Variants in ELFN1 observed in about 807,000 individuals in gnomAD.
The protein encoded by ELFN1 is protein ELFN1.
A neutral mutation model predicts 7.6 loss-of-function variants in ELFN1; 6 were observed. The observed-to-expected ratio is 0.79, with a 90% CI of 0.43 to 1.56. The LOEUF is 1.56. Ranked by LOEUF, ELFN1 falls within the 40% of genes most tolerant of loss-of-function variation. The pLI is 0.01. For synonymous variants in ELFN1, 657 were observed against 588.1 expected (o/e 1.12, Z -1.70); for missense variants, 1,169 against 1,232.2 (o/e 0.95, Z 0.77).
Position 1,740,627 on chromosome 7 carries a change from C to G in ELFN1, c.-293-3677C>G, listed in dbSNP as rs1435339180. Among the ~76,000 whole-genome samples, 2 of 152,110 alleles carry G rather than the reference C, an allele frequency of 1.3e-5. No homozygotes were observed. Among genetic ancestry groups the G allele is most frequent in the Non-Finnish European group, 2.9e-5 (2 of 68,008 alleles). The stretch of plus-strand genomic sequence containing the variant: ...TAGGTGATTCGGCCTTTCCCTGTTT[C>G]CTGTGCCAGGTCCGCAGCCTCTGCC... On this transcript the variant is annotated intron_variant, in intron 3 of 3. Transcript: ENST00000424383. The surrounding 1 kb of genome is among the most constrained non-coding windows in gnomAD (Gnocchi z 5.0).
chr7:1,672,924 G>A (rs1413008053), intron 1 of ELFN1, among the ~76,000 whole-genome samples: 1 of 152,084 alleles, frequency 6.6e-6, no homozygotes, highest in Non-Finnish European at 1.5e-5. Flanking sequence ...CGAGGGGGCC[G>A]GTGGCGGGGC....
intron 1 of ELFN1, among the ~76,000 whole-genome samples, chr7:1,679,947 G>A (rs1455911488): frequency 6.6e-6 from 1 of 152,256 alleles, no homozygotes; most frequent in African/African-American, 2.4e-5. Context: ...GGACAGAGAT[G>A]GAACGGGGAG....
At chr7:1,696,692 G>A (rs1779321213) in intron 2 of ELFN1, among the ~76,000 whole-genome samples, 1 of 152,128 alleles carries the variant, frequency 6.6e-6, no homozygotes, top group Non-Finnish European at 1.5e-5. Context: ...GTGAGCCACG[G>A]TGCCCAGCCT....
chr7:1,670,128 GGCGAGGGA>G (rs1370084025), upstream of ELFN1, among the ~76,000 whole-genome samples: 2 of 149,356 alleles, frequency 1.3e-5, no homozygotes, highest in Non-Finnish European at 3.0e-5. The surrounding 1 kb of genome is among the most constrained non-coding windows in gnomAD (Gnocchi z 6.4). Flanking sequence ...CGCGCAGGCG[GGCGAGGGA>G]GCGAGGGAGG....
chr7:1,744,669 GC>G lies in ELFN1; in HGVS notation c.76del (p.Arg26AlafsTer6), dbSNP rs1346689532. ...AATLLHAGGL[A>X]RADCWLIEGD... ...CACCCTGCTGCACGCTGGCGGCCTG[GC>G]CCGCGCAGACTGCTGGCTGATCGAG... On this transcript the variant is annotated frameshift_variant, in exon 4 of 4. Transcript: ENST00000424383. LOFTEE classifies it low-confidence loss of function (END_TRUNC). 6.4e-7 allele frequency: 1 copy of G among 1,551,052 alleles called. No individual in the cohort carries two copies. The highest frequency in any genetic ancestry group is 8.7e-7 in the Non-Finnish European group (1 of 1,146,846).
Position 1,739,884 on chromosome 7 carries a change from G to A in ELFN1, c.-293-4420G>A, listed in dbSNP as rs1019444863. On this transcript the variant is annotated intron_variant, in intron 3 of 3. Coordinates refer to ENST00000424383, the MANE Select transcript of ELFN1 (RefSeq NM_001128636.4). This position sits in a 1 kb window ranked among gnomAD's most constrained non-coding sequence, Gnocchi z 4.6. ...TGAGGGAGGGGGATGGAAACTGCTG[G>A]CGATCCTTCCAAGAAAACCTGCTGC... Among the ~76,000 whole-genome samples the A allele has an allele frequency of 1.3e-5, 2 of 152,220 alleles. No homozygotes were observed. The highest frequency in any genetic ancestry group is 4.8e-5 in the African/African-American group (2 of 41,456).
In ELFN1 at chr7:1,726,429, A is replaced by T. The variant is rs575978238; in HGVS notation, c.-294+17177A>T. On this transcript the variant is annotated intron_variant, in intron 3 of 3. Coordinates refer to ENST00000424383, the MANE Select transcript of ELFN1 (RefSeq NM_001128636.4). ...CTGCCAAATGTGCCCGCTCAGACAT[A>T]TGCTGGCGGCACGCTCAGCCCAACA... Among the ~76,000 whole-genome samples the T allele has an allele frequency of 1.4e-3, 217 of 152,328 alleles. 1 individual carries two copies. The highest frequency in any genetic ancestry group is 2.5e-3 in the Non-Finnish European group (172 of 68,026).
Position 1,705,725 on chromosome 7 carries a change from C to T in ELFN1, c.-455-3366C>T, listed in dbSNP as rs953380666. Among the ~76,000 whole-genome samples the T allele has an allele frequency of 8.5e-5, 13 of 152,258 alleles. No homozygotes were observed. Among genetic ancestry groups the T allele is most frequent in the African/African-American group, 3.1e-4 (13 of 41,480 alleles). ...GTGGATGGCTTTGGGCCTCGGTTTC[C>T]TGTCCACAACATCCTGCACAGATTT... On this transcript the variant is annotated intron_variant, in intron 2 of 3. Transcript: ENST00000424383. The surrounding 1 kb of genome is among the most constrained non-coding windows in gnomAD (Gnocchi z 4.3).
chr7:1,730,652 G>C (rs1168503327), intron 3 of ELFN1, among the ~76,000 whole-genome samples: 1 of 152,212 alleles, frequency 6.6e-6, no homozygotes, highest in Non-Finnish European at 1.5e-5. Flanking sequence ...GTAACTGCTA[G>C]AAATAGAACC....
intron 1 of ELFN1, among the ~76,000 whole-genome samples, chr7:1,679,614 C>A (rs1349631904): frequency 1.3e-5 from 2 of 152,220 alleles, no homozygotes; most frequent in Non-Finnish European, 2.9e-5. Context: ...CCGAGGGTTC[C>A]TGCAAGCCTC....
intron 3 of ELFN1, among the ~76,000 whole-genome samples, chr7:1,713,715 C>T (rs1779735231): frequency 2.0e-5 from 3 of 152,142 alleles, no homozygotes; most frequent in Admixed American, 2.0e-4. Flanking sequence ...CTGCAAGCCC[C>T]TTCCCCTCCG....
intron 1 of ELFN1, among the ~76,000 whole-genome samples, chr7:1,681,112 G>C (rs1356450400): frequency 6.6e-6 from 1 of 152,234 alleles, no homozygotes; most frequent in Non-Finnish European, 1.5e-5. Flanking sequence ...GTCTTCTGTG[G>C]CTGGATTCTA....
intron 1 of ELFN1, among the ~76,000 whole-genome samples, chr7:1,672,115 G>C (rs1021442314): frequency 2.0e-5 from 3 of 152,156 alleles, no homozygotes; most frequent in African/African-American, 7.2e-5. Flanking sequence ...AGCAGGCTCG[G>C]CAGGCAGCTC....
chr7:1,680,634 A>G (rs1031643666), intron 1 of ELFN1, among the ~76,000 whole-genome samples: 2 of 152,078 alleles, frequency 1.3e-5, no homozygotes, highest in African/African-American at 2.4e-5. Context: ...TTGCACAACC[A>G]TAACTACATA....
At chr7:1,711,396 C>G (rs1779647360) in intron 3 of ELFN1, among the ~76,000 whole-genome samples, 1 of 151,956 alleles carries the variant, frequency 6.6e-6, no homozygotes, top group Non-Finnish European at 1.5e-5. Flanking sequence ...AGCCTATGCC[C>G]CAAACATCCA....
intron 2 of ELFN1, among the ~76,000 whole-genome samples, chr7:1,700,118 A>C (rs965287082): frequency 3.9e-5 from 6 of 152,186 alleles, no homozygotes; most frequent in Non-Finnish European, 7.3e-5. Flanking sequence ...TCCTTCTGGT[A>C]GGTTCTCAGA....
intron 3 of ELFN1, among the ~76,000 whole-genome samples, chr7:1,716,761 A>T (rs993079183): frequency 6.6e-6 from 1 of 152,206 alleles, no homozygotes; most frequent in African/African-American, 2.4e-5. Context: ...TGATTCCAGC[A>T]GCTAAAGTGG....
chr7:1,733,251 G>GCCGGGACACCAGTCC (rs1382943559), intron 3 of ELFN1, among the ~76,000 whole-genome samples: 2 of 152,194 alleles, frequency 1.3e-5, no homozygotes, highest in African/African-American at 4.8e-5. Flanking sequence ...TTCCTTGGCA[G>GCCGGGACACCAGTCC]CCGGGACACC....
At chr7:1,726,164 G>A (rs1047532785) in intron 3 of ELFN1, among the ~76,000 whole-genome samples, 4 of 152,086 alleles carry the variant, frequency 2.6e-5, no homozygotes, top group Admixed American at 6.5e-5. Flanking sequence ...TCCAAGGTCC[G>A]CACCCGCCAC....
Sources: gnomAD v4.1 joint callset for allele counts (sites outside exome capture counted in the v4.1 genomes callset) on GRCh38, gnomAD v4.1.1 for gene constraint, Gnocchi (gnomAD v3.1) non-coding constraint, MANE v1.5 for transcripts, NCBI Gene and HGNC (gene_info 2026-07-23, HGNC 2026-07-21) for gene names.